GLIPR1: variants seen among roughly 807,000 people sequenced by gnomAD.
GLIPR1 encodes glioma pathogenesis-related protein 1.
Under a neutral mutation model 30.3 loss-of-function variants are expected in GLIPR1, and 38 were observed. The observed-to-expected ratio is 1.26, with a 90% CI of 0.97 to 1.65. The LOEUF (loss-of-function observed/expected upper bound fraction) is 1.65. GLIPR1 is among the 40% of genes most tolerant of loss of function. The pLI is 0.00. For synonymous variants in GLIPR1, 122 were observed against 110.6 expected (o/e 1.10, Z -0.65); for missense variants, 285 against 326.5 (o/e 0.87, Z 0.98).
intron 1 of GLIPR1, among the ~76,000 whole-genome samples, 173 bp from the exon 2 acceptor site, chr12:75,481,661 T>G (rs966661989): frequency 6.6e-6 from 1 of 152,164 alleles, no homozygotes; most frequent in Admixed American, 6.5e-5. Flanking sequence ...GAAACTAAAT[T>G]GTCACGTTTC....
chr12:75,499,534 ACAT>A lies in GLIPR1; in HGVS notation c.*560_*562del, dbSNP rs1430724480. 1.3e-4 allele frequency: 26 copies of A among 201,086 alleles called. No homozygotes were observed. Among genetic ancestry groups the A allele is most frequent in the Non-Finnish European group, 2.6e-4 (26 of 101,954 alleles). 12.5% of individuals were successfully genotyped at this position (201,086 alleles called of 1,614,324 possible). A position where few individuals can be genotyped will look rare whatever the true frequency, so the allele number is the denominator to read the frequency against. ...TAGAGAGGGAACATCAAATGCTGGG[ACAT>A]CATTACTAACCAATAGCATCAGACA... On this transcript the variant is annotated 3_prime_UTR_variant, in exon 6 of 6. Coordinates refer to ENST00000266659, the MANE Select transcript of GLIPR1 (RefSeq NM_006851.3).
chr12:75,487,203 T>A (rs189027376), intron 2 of GLIPR1, among the ~76,000 whole-genome samples: 16 of 152,312 alleles, frequency 1.1e-4, no homozygotes, highest in African/African-American at 3.6e-4. Flanking sequence ...ACAGCATGCA[T>A]AGGAATTACC....
At chr12:75,491,588 A>T (rs1009375254) in intron 3 of GLIPR1, 28 of 152,142 alleles carry the variant, frequency 1.8e-4, no homozygotes, top group African/African-American at 6.5e-4. Context: ...TTCCACCATT[A>T]TATCAATTTG....
chr12:75,499,743 C>A lies in GLIPR1; in HGVS notation c.*765C>A. ...AGAAAATTTCTCACAAATAAGGCAA[C>A]TAATGCCTGATATCTCAAAATCCTT... On this transcript the variant is annotated 3_prime_UTR_variant, in exon 6 of 6. Transcript: ENST00000266659. 2.4e-6 allele frequency: 3 copies of A among 1,251,352 alleles called. No homozygotes were observed. The highest frequency in any genetic ancestry group is 2.7e-5 in the East Asian group (1 of 37,412). The allele number at this position is 1,251,352 out of a possible 1,614,324, so 77.5% of individuals were successfully genotyped here.
chr12:75,499,771 C>CAAAAGGAGATAGTTCTAG lies in GLIPR1; in HGVS notation c.*794_*811dup. 1.3e-6 allele frequency: 2 copies of CAAAAGGAGATAGTTCTAG among 1,486,674 alleles called. No homozygotes were observed. The highest frequency in any genetic ancestry group is 1.8e-4 in the Middle Eastern group (1 of 5,540). The allele number at this position is 1,486,674 out of a possible 1,614,324, so 92.1% of individuals were successfully genotyped here. On this transcript the variant is annotated 3_prime_UTR_variant, in exon 6 of 6. Transcript: ENST00000266659. The stretch of plus-strand genomic sequence containing the variant: ...ATGCCTGATATCTCAAAATCCTTTA[C>CAAAAGGAGATAGTTCTAG]AAAAGGAGATAGTTCTAGTCAAGGA...
At chr12:75,496,578 T>C (rs1290341898) in intron 4 of GLIPR1, 2 of 150,956 alleles carry the variant, frequency 1.3e-5, no homozygotes, top group Admixed American at 6.6e-5. Context: ...TATGTTTTTT[T>C]ACCATGGTGT....
In GLIPR1 at chr12:75,498,726, T is replaced by C. The variant is rs2046368220; in HGVS notation, c.646+6T>C. ...ACAGCGAGACCAAGTCAAACGTACG[T>C]ACATCAATCTTAAATTGTTTCATTA... On this transcript the variant is annotated splice_donor_region_variant and intron_variant, in intron 5 of 5. Coordinates refer to ENST00000266659, the MANE Select transcript of GLIPR1 (RefSeq NM_006851.3). 2 of 1,612,282 alleles carry C rather than the reference T, an allele frequency of 1.2e-6. No homozygotes were observed. The highest frequency in any genetic ancestry group is 4.5e-5 in the East Asian group (2 of 44,838).
chr12:75,501,869 T>C lies in GLIPR1; in HGVS notation c.*2891T>C. On this transcript the variant is annotated 3_prime_UTR_variant, in exon 6 of 6. Coordinates refer to ENST00000266659, the MANE Select transcript of GLIPR1 (RefSeq NM_006851.3). ...GTTAAATGTATTTATAGTTAAATAATTCAAGTATCTATGAACTTTGCTATT... is the reference window on the plus strand; with the variant it reads ...GTTAAATGTATTTATAGTTAAATAACTCAAGTATCTATGAACTTTGCTATT... 1 of 1,581,170 alleles carries C rather than the reference T, an allele frequency of 6.3e-7. No individual in the cohort carries two copies. Among genetic ancestry groups the C allele is most frequent in the South Asian group, 1.1e-5 (1 of 89,622 alleles).
chr12:75,486,545 G>A (rs1003072050), intron 2 of GLIPR1, among the ~76,000 whole-genome samples: 8 of 152,092 alleles, frequency 5.3e-5, no homozygotes, highest in African/African-American at 1.9e-4. Context: ...AAGCCTTGTG[G>A]CTCCAAAGCC....
intron 4 of GLIPR1, chr12:75,497,758 T>C (rs768688737): frequency 2.0e-5 from 3 of 152,166 alleles, no homozygotes; most frequent in Non-Finnish European, 2.9e-5. Flanking sequence ...GGTAGTTCAA[T>C]AAATACCCTT....
At chr12:75,482,779 C>T (rs528707488) in intron 2 of GLIPR1, among the ~76,000 whole-genome samples, 81 of 151,222 alleles carry the variant, frequency 5.4e-4, no homozygotes, top group African/African-American at 1.9e-3. Flanking sequence ...CTCACATTTG[C>T]AGCATGATGG....
chr12:75,493,485 T>C (rs1336541720), intron 3 of GLIPR1: 3 of 151,954 alleles, frequency 2.0e-5, no homozygotes, highest in Non-Finnish European at 4.4e-5. Flanking sequence ...TGAACAAGGG[T>C]ATGGTGTGTA....
At chr12:75,498,029 C>CCCAGAGGACCAGATGATTGATGGGTTCTA (rs1268215746) in intron 4 of GLIPR1, 1 of 152,184 alleles carries the variant, frequency 6.6e-6, no homozygotes, top group African/African-American at 2.4e-5. Context: ...CTCACCAGTA[C>CCCAGAGGACCAGATGATTGATGGGTTCTA]CCAGAGGACC....
At chr12:75,488,142 C>T (rs190650024) in intron 2 of GLIPR1, among the ~76,000 whole-genome samples, 14 of 152,280 alleles carry the variant, frequency 9.2e-5, no homozygotes, top group Non-Finnish European at 1.5e-4. Context: ...TGACCTGTAT[C>T]TTGTGCCAAA....
At chr12:75,490,292 G>T in intron 2 of GLIPR1, 114 bp from the exon 3 acceptor site, 1 of 626,196 alleles carries the variant, frequency 1.6e-6, no homozygotes, top group South Asian at 1.9e-5. Context: ...AAACCTTCCT[G>T]GGTTTTAAGC....
At position 75,501,674 on chromosome 12, in the gene GLIPR1, G is replaced by A. The variant is rs1472752812; in HGVS notation, c.*2696G>A. On this transcript the variant is annotated 3_prime_UTR_variant, in exon 6 of 6. Transcript: ENST00000266659. Reference sequence around the variant, plus strand: ...AAAGATTCAGACAAATTTATTATGGGTTTACTTTTCCTAATTAATAAAGAC... The same window carrying A: ...AAAGATTCAGACAAATTTATTATGGATTTACTTTTCCTAATTAATAAAGAC... The A allele has an allele frequency of 2.5e-6, 3 of 1,214,938 alleles. No individual in the cohort carries two copies. Among genetic ancestry groups the A allele is most frequent in the Admixed American group, 3.9e-5 (2 of 51,040 alleles). 75.3% of individuals were successfully genotyped at this position (1,214,938 alleles called of 1,614,324 possible).
chr12:75,490,376 T>C (rs373691064), intron 2 of GLIPR1, 30 bp from the exon 3 acceptor site: 1 of 1,192,274 alleles, frequency 8.4e-7, no homozygotes, highest in Non-Finnish European at 1.3e-6. Context: ...TTATGGTTTT[T>C]CTCTGTTAAA....
At position 75,499,136 on chromosome 12, in the gene GLIPR1, T is replaced by TATCA. The variant is rs375790334; in HGVS notation, c.*159_*162dup. ...CTCAAAAGAAGAAATTTCCTAACTC[T>TATCA]ATCAGATAAACTCATCTTTAGTATA... On this transcript the variant is annotated 3_prime_UTR_variant, in exon 6 of 6. Transcript: ENST00000266659. The TATCA allele has an allele frequency of 1.3e-4, 62 of 480,266 alleles. No homozygotes were observed. The highest frequency in any genetic ancestry group is 7.7e-4 in the African/African-American group (38 of 49,420). 29.8% of individuals were successfully genotyped at this position (480,266 alleles called of 1,614,324 possible). A position where few individuals can be genotyped will look rare whatever the true frequency, so the allele number is the denominator to read the frequency against.
chr12:75,488,495 C>A (rs182981129), intron 2 of GLIPR1, among the ~76,000 whole-genome samples: 1 of 152,166 alleles, frequency 6.6e-6, no homozygotes. Context: ...CGAGATTGCA[C>A]CATTGCACTC....
Sources: allele counts gnomAD v4.1 joint callset (sites outside exome capture counted in the v4.1 genomes callset), GRCh38; gene constraint gnomAD v4.1.1; transcripts MANE v1.5; gene names NCBI Gene and HGNC (gene_info 2026-07-23, HGNC 2026-07-21).